MAPK14: variants seen among roughly 807,000 people sequenced by gnomAD.
MAPK14 encodes the protein mitogen-activated protein kinase 14.
MAPK14 carries 16 observed loss-of-function variants against 49.6 expected under a neutral mutation model. The observed-to-expected ratio is 0.32, with a 90% CI of 0.22 to 0.49. The LOEUF (loss-of-function observed/expected upper bound fraction) is 0.49. Ranked by LOEUF, MAPK14 falls within the 20% of genes least tolerant of loss-of-function variation. The pLI is 0.99. For missense variants in MAPK14, 200 were observed against 441.2 expected (o/e 0.45, Z 4.90); for synonymous variants, 142 against 158.0 (o/e 0.90, Z 0.76).
At chr6:36,089,093 A>C (rs1765112996) in intron 8 of MAPK14, among the ~76,000 whole-genome samples, 1 of 152,212 alleles carries the variant, frequency 6.6e-6, no homozygotes, top group Admixed American at 6.5e-5. Context: ...TGTTACAAAG[A>C]TACATGCATG....
chr6:36,119,384 T>A, the MAPK14 span, among the ~76,000 whole-genome samples: 1 of 152,374 alleles, frequency 6.6e-6, no homozygotes, highest in East Asian at 1.9e-4. Flanking sequence ...GGGCAGAAGC[T>A]GTACATAGCT....
intron 1 of MAPK14, among the ~76,000 whole-genome samples, chr6:36,039,708 G>A (rs950649010): frequency 3.3e-5 from 5 of 152,034 alleles, no homozygotes; most frequent in Admixed American, 6.6e-5. Context: ...CCCTCCTTTC[G>A]AAAGTATCAG....
chr6:36,060,687 G>A (rs1479525055), intron 3 of MAPK14, among the ~76,000 whole-genome samples: 1 of 152,102 alleles, frequency 6.6e-6, no homozygotes, highest in Non-Finnish European at 1.5e-5. Flanking sequence ...GAACACAAAG[G>A]GGATATGTTT....
intron 6 of MAPK14, among the ~76,000 whole-genome samples, chr6:36,074,375 C>G (rs1692393799): frequency 1.3e-5 from 2 of 151,792 alleles, no homozygotes; most frequent in South Asian, 4.2e-4. Flanking sequence ...TAAGTAGGCC[C>G]AAAGAGGTGA....
chr6:36,073,345 TGA>T (rs1056502275), intron 4 of MAPK14, among the ~76,000 whole-genome samples: 1 of 152,254 alleles, frequency 6.6e-6, no homozygotes, highest in Non-Finnish European at 1.5e-5. Context: ...AGCGTAATGT[TGA>T]GATTTTCAAA....
intron 3 of MAPK14, 72 bp from the exon 4 acceptor site, chr6:36,072,801 A>G (rs1764360090): frequency 2.3e-6 from 2 of 860,152 alleles, no homozygotes; most frequent in East Asian, 5.0e-5. Flanking sequence ...CAAAAAACTT[A>G]TAAAAGTCTT....
chr6:36,076,430 T>C, intron 7 of MAPK14, 107 bp from the exon 8 acceptor site: 1 of 781,098 alleles, frequency 1.3e-6, no homozygotes, highest in Non-Finnish European at 2.2e-6. Context: ...GCCTCAGATG[T>C]CTTAAATAGT....
At chr6:36,116,930 G>A in the MAPK14 span, among the ~76,000 whole-genome samples, 1 of 152,148 alleles carries the variant, frequency 6.6e-6, no homozygotes, top group African/African-American at 2.4e-5. Flanking sequence ...AGACTATCCT[G>A]ATATCAACGT....
Position 36,107,125 on chromosome 6 carries a change from G to A in MAPK14, c.842-330G>A, listed in dbSNP as rs1476807904. Among the ~76,000 whole-genome samples the A allele has an allele frequency of 1.3e-5, 2 of 152,034 alleles. No homozygotes were observed. The highest frequency in any genetic ancestry group is 1.3e-4 in the Admixed American group (2 of 15,242). On this transcript the variant is annotated intron_variant, in intron 10 of 11. Transcript: ENST00000229794. The surrounding 1 kb of genome is among the most constrained non-coding windows in gnomAD (Gnocchi z 4.3). ...GGTGAGGGTTGAGAGATAACCTATCGGGTACAATGTTCACTATTTGGTTAA... is the reference window on the plus strand; with the variant it reads ...GGTGAGGGTTGAGAGATAACCTATCAGGTACAATGTTCACTATTTGGTTAA...
chr6:36,123,565 G>A, the MAPK14 span, among the ~76,000 whole-genome samples: 4 of 152,194 alleles, frequency 2.6e-5, no homozygotes, highest in Non-Finnish European at 5.9e-5. Flanking sequence ...GTACCCAGAA[G>A]AGACACAAAA....
chr6:36,122,929 T>G, the MAPK14 span, among the ~76,000 whole-genome samples: 1 of 152,070 alleles, frequency 6.6e-6, no homozygotes, highest in African/African-American at 2.4e-5. Context: ...ACAAGCACGC[T>G]TCAAGAATGT....
At chr6:36,062,273 G>T (rs1763852589) in intron 3 of MAPK14, among the ~76,000 whole-genome samples, 1 of 152,160 alleles carries the variant, frequency 6.6e-6, no homozygotes, top group South Asian at 2.1e-4. Context: ...GCCACACCCA[G>T]CCATTTCAGT....
Position 36,102,624 on chromosome 6 carries a change from T to G in MAPK14, c.816T>G (p.Asn272Lys). 1 of 1,614,112 alleles carries G rather than the reference T, an allele frequency of 6.2e-7. No individual in the cohort carries two copies. The highest frequency in any genetic ancestry group is 8.5e-7 in the Non-Finnish European group (1 of 1,179,948). The change falls in exon 10 of 12, where the codon AAT becomes AAG. Residue 272 changes from asparagine (N) to lysine (K), a missense_variant. By Grantham distance (94) the Asn-to-Lys change is moderately conservative. Coordinates refer to ENST00000229794, the MANE Select transcript of MAPK14 (RefSeq NM_139012.3). Reference protein sequence around the residue: ...LTQMPKMNFANVFIGANPLAV... With the variant: ...LTQMPKMNFAKVFIGANPLAV... The stretch of plus-strand genomic sequence containing the variant: ...AGATGCCGAAGATGAACTTTGCGAA[T>G]GTATTTATTGGTGCCAATCCCCTGG...
intron 1 of MAPK14, among the ~76,000 whole-genome samples, chr6:36,037,266 T>G (rs1386414036): frequency 6.6e-6 from 1 of 152,172 alleles, no homozygotes; most frequent in Admixed American, 6.5e-5. Flanking sequence ...TGTTAAGGAT[T>G]TACAAAATTA....
intron 1 of MAPK14, among the ~76,000 whole-genome samples, chr6:36,047,545 A>G (rs530536310): frequency 4.9e-4 from 74 of 152,212 alleles, no homozygotes; most frequent in Non-Finnish European, 7.9e-4. Flanking sequence ...GTTGTGATCT[A>G]ATTTGTACTT....
rs879529111 is a variant in MAPK14, at chr6:36,107,959, T to C, written c.1015+331T>C. Among the ~76,000 whole-genome samples, 52 of 152,232 alleles carry C rather than the reference T, an allele frequency of 3.4e-4. No individual in the cohort carries two copies. Among genetic ancestry groups the C allele is most frequent in the Non-Finnish European group, 1.2e-4 (8 of 68,044 alleles). On this transcript the variant is annotated intron_variant, in intron 11 of 11. Transcript: ENST00000229794. This position sits in a 1 kb window ranked among gnomAD's most constrained non-coding sequence, Gnocchi z 4.3. ...TGGGGCAAAGAGAATTTATGTCTTA[T>C]CAGTTAACTTAGAACTAGTTAGGGA... is the stretch of plus-strand genomic sequence containing the variant.
rs904263144 is a variant in MAPK14, at chr6:36,107,861, A to T, written c.1015+233A>T. 1.4e-4 allele frequency among the ~76,000 whole-genome samples: 21 copies of T among 152,170 alleles called. No individual in the cohort carries two copies. Among genetic ancestry groups the T allele is most frequent in the Non-Finnish European group, 2.6e-4 (18 of 68,018 alleles). ...CCCCTCACATAGGAGTTTTGCATGG[A>T]GAGTTGAGGTTTTCAGAGTCATTGC... On this transcript the variant is annotated intron_variant, in intron 11 of 11. Transcript: ENST00000229794. This position sits in a 1 kb window ranked among gnomAD's most constrained non-coding sequence, Gnocchi z 4.3.
rs983909839 is a variant in MAPK14 at position 36,110,880 on chromosome 6, C to A, written c.*2433C>A. The A allele has an allele frequency of 3.3e-5, 5 of 152,194 alleles. No individual in the cohort carries two copies. Among genetic ancestry groups the A allele is most frequent in the Admixed American group, 1.3e-4 (2 of 15,286 alleles). The allele number at this position is 152,194 out of a possible 1,614,324, so 9.4% of individuals were successfully genotyped here. On this transcript the variant is annotated 3_prime_UTR_variant, in exon 12 of 12. Coordinates refer to ENST00000229794, the MANE Select transcript of MAPK14 (RefSeq NM_139012.3). ...TTGTCTGACAGATCTTAATACTACTCCTAACATTTAGAAAATGTTGATAAA... is the reference window on the plus strand; with the variant it reads ...TTGTCTGACAGATCTTAATACTACTACTAACATTTAGAAAATGTTGATAAA...
At chr6:36,066,760 A>T (rs6900999) in intron 3 of MAPK14, among the ~76,000 whole-genome samples, 1 of 147,908 alleles carries the variant, frequency 6.8e-6, no homozygotes, top group Non-Finnish European at 1.5e-5. Flanking sequence ...GTGTGTGTGT[A>T]TGTGTGTATG....
Sources: allele counts gnomAD v4.1 joint callset (sites outside exome capture counted in the v4.1 genomes callset), GRCh38; gene constraint gnomAD v4.1.1; non-coding constraint Gnocchi (gnomAD v3.1); transcripts MANE v1.5; gene names NCBI Gene and HGNC (gene_info 2026-07-23, HGNC 2026-07-21).